CFAP47: variants seen among roughly 807,000 people sequenced by gnomAD.
CFAP47 encodes the protein cilia- and flagella-associated protein 47.
In CFAP47, 29 loss-of-function variants were observed where a neutral mutation model predicts 148.1. The observed-to-expected ratio is 0.20, with a 90% CI of 0.15 to 0.27. The LOEUF (loss-of-function observed/expected upper bound fraction) is 0.27. Ranked by LOEUF, CFAP47 falls within the 10% of genes least tolerant of loss-of-function variation. The probability of loss-of-function intolerance (pLI) is 1.00; values close to 1 mark genes in which losing one functional copy is unlikely to be tolerated. For synonymous variants in CFAP47, 664 were observed against 577.3 expected, an observed-to-expected ratio of 1.15 and a Z score of -2.15; for missense variants, 1,872 against 1,697.5, an observed-to-expected ratio of 1.10 and a Z score of -1.81.
At chrX:36,287,488 A>G (rs1312539376) in intron 51 of CFAP47, among the ~76,000 whole-genome samples, 1 of 111,732 alleles carries the variant, frequency 8.9e-6, no homozygotes, top group Non-Finnish European at 1.9e-5. Flanking sequence ...TACTTAAATG[A>G]TATTTTTTCA....
At chrX:36,122,974 G>A (rs1015275479) in intron 33 of CFAP47, among the ~76,000 whole-genome samples, 4 of 111,548 alleles carry the variant, frequency 3.6e-5, no homozygotes, top group Non-Finnish European at 7.5e-5. Flanking sequence ...TACTCAAAAG[G>A]ACTTCAATGT....
At chrX:35,998,028 G>A (rs1409370045) in intron 19 of CFAP47, among the ~76,000 whole-genome samples, 3 of 110,404 alleles carry the variant, frequency 2.7e-5, no homozygotes, top group Non-Finnish European at 3.8e-5. Context: ...AGGTTCTCTC[G>A]GAATGGAGTT....
intron 27 of CFAP47, among the ~76,000 whole-genome samples, chrX:36,070,284 C>G (rs1197875954): frequency 9.0e-6 from 1 of 111,142 alleles, no homozygotes; most frequent in Admixed American, 9.6e-5. Context: ...ATTTGTATAA[C>G]ACACTCACAG....
intron 22 of CFAP47, among the ~76,000 whole-genome samples, chrX:36,015,923 G>T (rs963565255): frequency 1.8e-5 from 2 of 111,234 alleles, no homozygotes; most frequent in African/African-American, 6.5e-5. Flanking sequence ...CATCCCTTTT[G>T]TTAATGTATT....
intron 23 of CFAP47, among the ~76,000 whole-genome samples, chrX:36,034,836 G>A (rs1937320075): frequency 9.0e-6 from 1 of 110,943 alleles, no homozygotes; most frequent in Admixed American, 9.7e-5. Flanking sequence ...AGAAACCAAG[G>A]TCTAAGTACT....
chrX:36,234,781 A>T (rs1940429933), intron 46 of CFAP47, among the ~76,000 whole-genome samples: 1 of 111,524 alleles, frequency 9.0e-6, no homozygotes, highest in Non-Finnish European at 1.9e-5. Flanking sequence ...GGTGAGGTAC[A>T]GATGGGTTTT....
intron 33 of CFAP47, among the ~76,000 whole-genome samples, chrX:36,122,360 C>T (rs1002697836): frequency 9.0e-6 from 1 of 111,284 alleles, no homozygotes; most frequent in Non-Finnish European, 1.9e-5. Context: ...TTGGGAAGTT[C>T]TCTGTTATTA....
rs1197926135 is a variant in CFAP47 at position 36,046,820 on chromosome X, T to A, written c.4008-34T>A. 1.6e-5 allele frequency: 16 copies of A among 978,373 alleles called. No individual in the cohort carries two copies. In the Middle Eastern group the frequency reaches 1.1e-3, roughly 65 times the overall value. The allele number at this position is 978,373 out of a possible 1,213,427, so 80.6% of individuals were successfully genotyped here. ...TAAAGCCAATGACTGGCAGGTATTT[T>A]GAGCTAATGAAACATTTTTTTTATT... On this transcript the variant is annotated intron_variant, in intron 25 of 63. Coordinates refer to ENST00000378653, the MANE Select transcript of CFAP47 (RefSeq NM_001304548.2).
chrX:36,185,352 A>G (rs1166784199), intron 40 of CFAP47, among the ~76,000 whole-genome samples: 3 of 110,676 alleles, frequency 2.7e-5, no homozygotes, highest in Non-Finnish European at 5.7e-5. Context: ...TAATACCATG[A>G]AACTGGGGAT....
intron 24 of CFAP47, among the ~76,000 whole-genome samples, chrX:36,036,280 C>G (rs1285224321): frequency 3.6e-5 from 4 of 111,216 alleles, no homozygotes; most frequent in African/African-American, 1.3e-4. Context: ...TTTTAGATTT[C>G]ATATGAGTGA....
intron 30 of CFAP47, 102 bp downstream of exon 30, chrX:36,085,640 AAC>A (rs200423976): frequency 0.057 from 16,955 of 299,088 alleles, no homozygotes; most frequent in Non-Finnish European, 0.067. Context: ...TTTCTAACCA[AAC>A]ACACACACAC....
intron 30 of CFAP47, among the ~76,000 whole-genome samples, chrX:36,089,323 C>G (rs758383336): frequency 9.1e-6 from 1 of 110,142 alleles, no homozygotes; most frequent in South Asian, 3.9e-4. Context: ...GAGCCAAGAT[C>G]GCACCACTGT....
chrX:35,953,122 G>A (rs368317017), intron 6 of CFAP47, among the ~76,000 whole-genome samples: 1 of 111,602 alleles, frequency 9.0e-6, no homozygotes, highest in South Asian at 3.7e-4. Context: ...TTAGCAATTC[G>A]TGTTCTCCAA....
At position 36,138,365 on chromosome X, in the gene CFAP47, A is replaced by G; in HGVS notation, c.5436A>G (p.Ile1812Met). Residue 1812 changes from isoleucine (I) to methionine (M), a missense_variant, in exon 35 of 64, where the codon ATA becomes ATG. By Grantham distance (10) the Ile-to-Met change is conservative (BLOSUM62 1). Coordinates refer to ENST00000378653, the MANE Select transcript of CFAP47 (RefSeq NM_001304548.2). ...TTTTACAGATTGAGTCTCATTTTAT[A>G]AATATGTACACACGACCAAAAAGTC... is the stretch of plus-strand genomic sequence containing the variant. The part of the protein sequence containing the change: ...YCPFLIESHF[I>M]NMYTRPKSPE... 8.8e-7 allele frequency: 1 copy of G among 1,130,968 alleles called. No homozygotes were observed. The highest frequency in any genetic ancestry group is 1.2e-6 in the Non-Finnish European group (1 of 860,245). The allele number at this position is 1,130,968 out of a possible 1,213,427, so 93.2% of individuals were successfully genotyped here. A position where few individuals can be genotyped will look rare whatever the true frequency, so the allele number is the denominator to read the frequency against.
chrX:36,062,107 C>T (rs1415566315), intron 26 of CFAP47, among the ~76,000 whole-genome samples: 1 of 111,310 alleles, frequency 9.0e-6, no homozygotes, highest in Non-Finnish European at 1.9e-5. Context: ...TGGAGGCTTT[C>T]TTGCTCTGTC....
intron 2 of CFAP47, among the ~76,000 whole-genome samples, chrX:35,926,709 G>A (rs1935746581): frequency 9.0e-6 from 1 of 111,553 alleles, no homozygotes; most frequent in South Asian, 3.7e-4. Flanking sequence ...ATACATATAT[G>A]ATCCTCCTTT....
At chrX:36,239,969 T>C (rs1940521475) in intron 48 of CFAP47, among the ~76,000 whole-genome samples, 1 of 111,913 alleles carries the variant, frequency 8.9e-6, no homozygotes, top group Admixed American at 9.5e-5. Flanking sequence ...TCACCGTTTA[T>C]AGAAACCTGT....
chrX:36,378,107 T>C (rs782800375), intron 62 of CFAP47, among the ~76,000 whole-genome samples: 1 of 112,086 alleles, frequency 8.9e-6, no homozygotes, highest in Non-Finnish European at 1.9e-5. Context: ...TGGCCTTTTA[T>C]GAGTATCACT....
At chrX:36,105,614 C>A (rs1340720045) in intron 33 of CFAP47, among the ~76,000 whole-genome samples, 1 of 111,626 alleles carries the variant, frequency 9.0e-6, no homozygotes, top group Admixed American at 9.5e-5. Flanking sequence ...GAACAGCAAA[C>A]ATAGAATACT....
Sources: allele counts gnomAD v4.1 joint callset (sites outside exome capture counted in the v4.1 genomes callset), GRCh38; gene constraint gnomAD v4.1.1; transcripts MANE v1.5; gene names NCBI Gene and HGNC (gene_info 2026-07-23, HGNC 2026-07-21).